The following DUSP8 variants were observed in gnomAD, a reference collection of about 807,000 sequenced individuals.
The protein encoded by DUSP8 is dual specificity protein phosphatase 8.
In DUSP8, 15 loss-of-function variants were observed where a neutral mutation model predicts 38.7. That is an observed-to-expected ratio of 0.39 (90% CI 0.26 to 0.60). The LOEUF (loss-of-function observed/expected upper bound fraction) is 0.60. DUSP8 is among the 20% of genes least tolerant of loss of function. The pLI is 0.56. For missense variants in DUSP8, 768 were observed against 915.0 expected, an observed-to-expected ratio of 0.84 and a Z score of 2.07; for synonymous variants, 458 against 433.9, an observed-to-expected ratio of 1.06 and a Z score of -0.69.
chr11:1,556,151 C>A lies in DUSP8; in HGVS notation c.*367G>T. 5.6e-6 allele frequency: 1 copy of A among 177,754 alleles called. No individual in the cohort carries two copies. Among genetic ancestry groups the A allele is most frequent in the Non-Finnish European group, 1.2e-5 (1 of 85,210 alleles). 11.0% of individuals were successfully genotyped at this position (177,754 alleles called of 1,614,324 possible). On this transcript the variant is annotated 3_prime_UTR_variant, in exon 7 of 7. Transcript: ENST00000397374. The surrounding 1 kb of genome is among the most constrained non-coding windows in gnomAD (Gnocchi z 5.2). ...AAAGAAGTTTTTTTTTCCTTTTTTTCACCTTTTTGTTATGTAAAAAGTGCA... is the reference window on the plus strand; with the variant it reads ...AAAGAAGTTTTTTTTTCCTTTTTTTAACCTTTTTGTTATGTAAAAAGTGCA...
Position 1,565,986 on chromosome 11 carries a change from C to G in DUSP8, c.-108-52G>C, listed in dbSNP as rs577580112. 273 of 629,078 alleles carry G rather than the reference C, an allele frequency of 4.3e-4. 1 individual carries two copies. The East Asian group carries it at 6.3e-3, about 14-fold the overall frequency. 39.0% of individuals were successfully genotyped at this position (629,078 alleles called of 1,614,324 possible). On this transcript the variant is annotated intron_variant, in intron 1 of 6. Coordinates refer to ENST00000397374, the MANE Select transcript of DUSP8 (RefSeq NM_004420.3). ...GTGCTGCGGGCCCCTGGGTGGCACC[C>G]AGAAGCTCCCCAGGACAGATCAGAG... is the stretch of plus-strand genomic sequence containing the variant.
Position 1,557,861 on chromosome 11 carries a change from G to A in DUSP8, c.754C>T (p.Arg252Cys). 6.2e-7 allele frequency: 1 copy of A among 1,613,980 alleles called. No individual in the cohort carries two copies. ...TAGGCGATGGCGATGGTGGCAGAGC[G>A]GGAGATGCCAGCCAGACAGTGGACG... is the stretch of plus-strand genomic sequence containing the variant. ...VIVHCLAGISRSATIAIAYIM... is the reference protein window; with the variant it reads ...VIVHCLAGISCSATIAIAYIM... The change falls in exon 6 of 7, where the codon CGC (arginine) becomes TGC (cysteine). Residue 252 changes from arginine to cysteine, a missense_variant. By Grantham distance (180) the Arg-to-Cys change is radical (BLOSUM62 -3). This residue lies in a region of DUSP8 where 252 missense variants were observed against 410.4 expected (regional missense o/e 0.61). Transcript: ENST00000397374. This position sits in a 1 kb window ranked among gnomAD's most constrained non-coding sequence, Gnocchi z 9.9.
intron 1 of DUSP8, among the ~76,000 whole-genome samples, chr11:1,567,478 A>C (rs971728802): frequency 2.0e-5 from 3 of 152,152 alleles, no homozygotes; most frequent in Admixed American, 6.5e-5. Context: ...CCCAGCCCCA[A>C]CTCCACACTG....
At chr11:1,566,935 C>T (rs1848813902) in intron 1 of DUSP8, among the ~76,000 whole-genome samples, 1 of 152,168 alleles carries the variant, frequency 6.6e-6, no homozygotes, top group Non-Finnish European at 1.5e-5. Flanking sequence ...ACTGCCGGGC[C>T]CCATCTCCCT....
intron 1 of DUSP8, among the ~76,000 whole-genome samples, chr11:1,566,754 C>T (rs911054711): frequency 4.6e-5 from 7 of 152,076 alleles, no homozygotes; most frequent in South Asian, 2.1e-4. Context: ...ATGGGAGGGG[C>T]GGGGCAGCCC....
chr11:1,560,005 G>A (rs764422915), intron 3 of DUSP8, among the ~76,000 whole-genome samples: 11 of 152,354 alleles, frequency 7.2e-5, no homozygotes, highest in Non-Finnish European at 1.3e-4. Context: ...CACATGGTGA[G>A]AATGGACCTG....
At chr11:1,570,215 C>T (rs187349838) in intron 1 of DUSP8, among the ~76,000 whole-genome samples, 1 of 152,304 alleles carries the variant, frequency 6.6e-6, no homozygotes, top group Non-Finnish European at 1.5e-5. Flanking sequence ...TCCAGGTTCC[C>T]TCCCTTCCCA....
In DUSP8 at chr11:1,554,611, C is replaced by T. The variant is rs751099308; in HGVS notation, c.*1907G>A. 2.0e-5 allele frequency: 20 copies of T among 985,838 alleles called. No homozygotes were observed. The highest frequency in any genetic ancestry group is 9.4e-5 in the South Asian group (2 of 21,342). The allele number at this position is 985,838 out of a possible 1,614,324, so 61.1% of individuals were successfully genotyped here. A position where few individuals can be genotyped will look rare whatever the true frequency, so the allele number is the denominator to read the frequency against. ...GACTGAGACAGACAGCCCCCCTCAA[C>T]GGCCTGCAGAAGGGACAAGGGGAAG... is the stretch of plus-strand genomic sequence containing the variant. On this transcript the variant is annotated 3_prime_UTR_variant, in exon 7 of 7. Coordinates refer to ENST00000397374, the MANE Select transcript of DUSP8 (RefSeq NM_004420.3).
At position 1,554,700 on chromosome 11, in the gene DUSP8, T is replaced by C; in HGVS notation, c.*1818A>G. 1 of 849,228 alleles carries C rather than the reference T, an allele frequency of 1.2e-6. No homozygotes were observed. The highest frequency in any genetic ancestry group is 1.4e-6 in the Non-Finnish European group (1 of 704,094). The allele number at this position is 849,228 out of a possible 1,614,324, so 52.6% of individuals were successfully genotyped here. ...CACTGTCTCCCGGACAGCACAGGGG[T>C]GGGGGGCGAGAAGCGGGAAGCCAGT... On this transcript the variant is annotated 3_prime_UTR_variant, in exon 7 of 7. Transcript: ENST00000397374.
chr11:1,557,261 G>T lies in DUSP8; in HGVS notation c.1135C>A (p.Leu379Ile). ...GTGTCCTGCAGGCGGTCCGAGGAGA[G>T]GTGCAGGCCGCGCAGGCCCTGCTGC... ...ALQQGLRGLH[L>I]SSDRLQDTNR... The change falls in exon 7 of 7, where the codon CTC (leucine) becomes ATC (isoleucine). Residue 379 changes from leucine (L) to isoleucine (I), a missense_variant. By Grantham distance (5) the Leu-to-Ile change is conservative (BLOSUM62 2). Transcript: ENST00000397374. The surrounding 1 kb of genome is among the most constrained non-coding windows in gnomAD (Gnocchi z 9.9). 1.3e-6 allele frequency: 2 copies of T among 1,491,750 alleles called. No individual in the cohort carries two copies. Among genetic ancestry groups the T allele is most frequent in the Non-Finnish European group, 1.8e-6 (2 of 1,124,398 alleles). The allele number at this position is 1,491,750 out of a possible 1,614,324, so 92.4% of individuals were successfully genotyped here.
At chr11:1,559,362 C>G in intron 3 of DUSP8, 1 of 392,068 alleles carries the variant, frequency 2.6e-6, no homozygotes, top group Non-Finnish European at 4.6e-6. Context: ...AGGTGGCTGG[C>G]CATCACGGCA....
At chr11:1,566,450 G>A (rs961595966) in intron 1 of DUSP8, among the ~76,000 whole-genome samples, 8 of 152,102 alleles carry the variant, frequency 5.3e-5, no homozygotes, top group East Asian at 3.9e-4. Context: ...GGGCAGCTCC[G>A]TAAGCCGATA....
In DUSP8 at chr11:1,556,132, G is replaced by GTT; in HGVS notation, c.*384_*385dup. ...CTGCGGCTCAGTTTGTGGCAAAGAA[G>GTT]TTTTTTTTTCCTTTTTTTCACCTTT... On this transcript the variant is annotated 3_prime_UTR_variant, in exon 7 of 7. Coordinates refer to ENST00000397374, the MANE Select transcript of DUSP8 (RefSeq NM_004420.3). This position sits in a 1 kb window ranked among gnomAD's most constrained non-coding sequence, Gnocchi z 5.2. 1 of 162,986 alleles carries GTT rather than the reference G, an allele frequency of 6.1e-6. No homozygotes were observed. Among genetic ancestry groups the GTT allele is most frequent in the African/African-American group, 2.4e-5 (1 of 41,828 alleles). 10.1% of individuals were successfully genotyped at this position (162,986 alleles called of 1,614,324 possible).
In DUSP8 at chr11:1,557,249, G is replaced by GGTCCGAGGAGAGGTGCAGGCC; in HGVS notation, c.1126_1146dup (p.Gly376_Asp382dup). 6.7e-7 allele frequency: 1 copy of GGTCCGAGGAGAGGTGCAGGCC among 1,494,572 alleles called. No individual in the cohort carries two copies. Among genetic ancestry groups the GGTCCGAGGAGAGGTGCAGGCC allele is most frequent in the Non-Finnish European group, 8.9e-7 (1 of 1,124,976 alleles). 92.6% of individuals were successfully genotyped at this position (1,494,572 alleles called of 1,614,324 possible). Reference sequence around the variant, plus strand: ...TTGAGGCGGTTAGTGTCCTGCAGGCGGTCCGAGGAGAGGTGCAGGCCGCGC... The same window carrying GGTCCGAGGAGAGGTGCAGGCC: ...TTGAGGCGGTTAGTGTCCTGCAGGCGGTCCGAGGAGAGGTGCAGGCCGTCCGAGGAGAGGTGCAGGCCGCGC... On this transcript the variant is annotated inframe_insertion, in exon 7 of 7. Transcript: ENST00000397374. The surrounding 1 kb of genome is among the most constrained non-coding windows in gnomAD (Gnocchi z 9.9).
At chr11:1,564,861 C>A (rs1225722735) in intron 2 of DUSP8, among the ~76,000 whole-genome samples, 3 of 152,238 alleles carry the variant, frequency 2.0e-5, no homozygotes, top group Admixed American at 6.5e-5. Context: ...CAGCTCTGAA[C>A]AGGGCCTATC....
chr11:1,556,166 T>G lies in DUSP8; in HGVS notation c.*352A>C. 1 of 204,982 alleles carries G rather than the reference T, an allele frequency of 4.9e-6. No individual in the cohort carries two copies. Among genetic ancestry groups the G allele is most frequent in the Non-Finnish European group, 9.7e-6 (1 of 103,052 alleles). The allele number at this position is 204,982 out of a possible 1,614,324, so 12.7% of individuals were successfully genotyped here. A position where few individuals can be genotyped will look rare whatever the true frequency, so the allele number is the denominator to read the frequency against. On this transcript the variant is annotated 3_prime_UTR_variant, in exon 7 of 7. Transcript: ENST00000397374. The surrounding 1 kb of genome is among the most constrained non-coding windows in gnomAD (Gnocchi z 5.2). ...TCCTTTTTTTCACCTTTTTGTTATG[T>G]AAAAAGTGCACGAAAGCTCGGCAGC...
At chr11:1,559,347 C>T (rs1048459040) in intron 3 of DUSP8, 15 of 334,558 alleles carry the variant, frequency 4.5e-5, no homozygotes, top group African/African-American at 1.1e-4. Flanking sequence ...GTAAAGGTGG[C>T]GTTGAGGTGG....
chr11:1,563,010 C>G (rs1047995020), intron 3 of DUSP8, among the ~76,000 whole-genome samples: 2 of 152,204 alleles, frequency 1.3e-5, no homozygotes, highest in African/African-American at 4.8e-5. Flanking sequence ...GGGTGAAGGT[C>G]CCTGCTTCCA....
upstream of DUSP8, among the ~76,000 whole-genome samples, chr11:1,572,272 G>A (rs1185910293): frequency 6.7e-6 from 1 of 148,938 alleles, no homozygotes; most frequent in African/African-American, 2.4e-5. The surrounding 1 kb of genome is among the most constrained non-coding windows in gnomAD (Gnocchi z 4.7). Context: ...GGCCGCGAGT[G>A]ACAGGCCCGG....
Sources: allele counts gnomAD v4.1 joint callset (sites outside exome capture counted in the v4.1 genomes callset), GRCh38; gene constraint gnomAD v4.1.1; regional missense constraint gnomAD v4.1.1; non-coding constraint Gnocchi (gnomAD v3.1); transcripts MANE v1.5; gene names NCBI Gene and HGNC (gene_info 2026-07-23, HGNC 2026-07-21).